PLXNC1: variants seen among roughly 807,000 people sequenced by gnomAD.
The protein encoded by PLXNC1 is plexin C1.
PLXNC1 carries 75 observed loss-of-function variants against 178.2 expected under a neutral mutation model. The observed-to-expected ratio is 0.42, with a 90% CI of 0.35 to 0.51. The LOEUF (loss-of-function observed/expected upper bound fraction) is 0.51, where lower values mean the gene tolerates loss of function less well. Among genes scored for constraint, PLXNC1 ranks in the 20% least tolerant of loss-of-function variants. PLXNC1 has a pLI of 0.02. For missense variants in PLXNC1, 1,503 were observed against 1,984.4 expected, an observed-to-expected ratio of 0.76 and a Z score of 4.61; for synonymous variants, 790 against 779.9, an observed-to-expected ratio of 1.01 and a Z score of -0.22.
chr12:94,256,987 G>C (rs1964864133), intron 17 of PLXNC1, among the ~76,000 whole-genome samples: 5 of 152,056 alleles, frequency 3.3e-5, no homozygotes, highest in Admixed American at 2.0e-4. Context: ...AAAAATTGAA[G>C]TCAGAAGTTG....
chr12:94,227,074 C>T, intron 8 of PLXNC1, 75 bp from the exon 9 acceptor site: 1 of 974,926 alleles, frequency 1.0e-6, no homozygotes, highest in Non-Finnish European at 1.7e-6. Flanking sequence ...CCTGGTCCTA[C>T]CTTCTCTTTT....
chr12:94,193,989 G>A (rs896838773), intron 4 of PLXNC1, among the ~76,000 whole-genome samples: 4 of 152,180 alleles, frequency 2.6e-5, no homozygotes, highest in African/African-American at 9.7e-5. Context: ...AAAGAAAAGA[G>A]GTTAGTTGGC....
At chr12:94,184,175 G>A (rs1962426815) in intron 3 of PLXNC1, among the ~76,000 whole-genome samples, 1 of 151,586 alleles carries the variant, frequency 6.6e-6, no homozygotes, top group African/African-American at 2.4e-5. Context: ...GGAGTGCAGT[G>A]GCGCAATCTC....
At chr12:94,159,063 A>G (rs1275728198) in intron 1 of PLXNC1, among the ~76,000 whole-genome samples, 1 of 152,266 alleles carries the variant, frequency 6.6e-6, no homozygotes, top group African/African-American at 2.4e-5. Context: ...GCACCTTATT[A>G]GAAGGACTAT....
intron 23 of PLXNC1, among the ~76,000 whole-genome samples, chr12:94,285,679 CAGG>C (rs1042830551): frequency 1.1e-4 from 16 of 152,248 alleles, no homozygotes; most frequent in Admixed American, 7.8e-4. Flanking sequence ...AGGTAATGGC[CAGG>C]AGGAGATCGG....
chr12:94,257,966 G>A, intron 17 of PLXNC1, among the ~76,000 whole-genome samples: 1 of 151,650 alleles, frequency 6.6e-6, no homozygotes, highest in East Asian at 1.9e-4. Context: ...GGAGGTTGCA[G>A]TGAGCCGAGA....
intron 1 of PLXNC1, among the ~76,000 whole-genome samples, chr12:94,153,001 G>A (rs951607070): frequency 1.3e-5 from 2 of 152,228 alleles, no homozygotes; most frequent in Non-Finnish European, 2.9e-5. Context: ...TCTCAAATGT[G>A]CTAAGGCAAC....
rs1326025337 is a variant in PLXNC1 at position 94,149,534 on chromosome 12, C to T, written c.563C>T (p.Pro188Leu). The T allele has an allele frequency of 1.3e-6, 2 of 1,541,426 alleles. No individual in the cohort carries two copies. Among genetic ancestry groups the T allele is most frequent in the Non-Finnish European group, 1.7e-6 (2 of 1,149,258 alleles). Reference sequence around the variant, plus strand: ...GCCGCCACCTACGTGCTGCCTGAGCCGGAGACGGCGAGCCGCTGCAACCCC... The same window carrying T: ...GCCGCCACCTACGTGCTGCCTGAGCTGGAGACGGCGAGCCGCTGCAACCCC... ...AVAATYVLPE[P>L]ETASRCNPAA... is the part of the protein sequence containing the mutation. The change falls in exon 1 of 31, where the codon CCG becomes CTG. Residue 188 changes from proline to leucine, a missense_variant. Pro to Leu is a moderately conservative substitution (Grantham distance 98). Around this residue, in one of 4 missense-constraint regions of PLXNC1, gnomAD observed 73 missense variants for 125.4 expected, o/e 0.58. Coordinates refer to ENST00000258526, the MANE Select transcript of PLXNC1 (RefSeq NM_005761.3).
At chr12:94,160,063 C>T (rs75677283) in intron 1 of PLXNC1, among the ~76,000 whole-genome samples, 1 of 152,086 alleles carries the variant, frequency 6.6e-6, no homozygotes, top group Non-Finnish European at 1.5e-5. Context: ...GGAAGAGTTG[C>T]TAAGTAGGGA....
At chr12:94,250,592 T>A (rs1222554570) in intron 14 of PLXNC1, among the ~76,000 whole-genome samples, 2 of 152,164 alleles carry the variant, frequency 1.3e-5, no homozygotes, top group African/African-American at 2.4e-5. Flanking sequence ...AGTGAAATAA[T>A]TAAGCTTCAT....
At chr12:94,245,683 G>A (rs1864771719) in intron 12 of PLXNC1, among the ~76,000 whole-genome samples, 1 of 152,148 alleles carries the variant, frequency 6.6e-6, no homozygotes, top group Admixed American at 6.5e-5. Context: ...AGTATGGAGT[G>A]GGGTGGGTGG....
intron 9 of PLXNC1, among the ~76,000 whole-genome samples, chr12:94,235,123 G>T (rs962166114): frequency 7.9e-5 from 12 of 152,122 alleles, no homozygotes; most frequent in Non-Finnish European, 1.6e-4. Flanking sequence ...TTTAAAAGCA[G>T]ACTGAAGCAC....
At chr12:94,216,374 C>T (rs757209601) in intron 5 of PLXNC1, among the ~76,000 whole-genome samples, 2 of 151,310 alleles carry the variant, frequency 1.3e-5, no homozygotes, top group Non-Finnish European at 2.9e-5. Context: ...AAAAGAAAAA[C>T]ATCAATACAC....
chr12:94,295,045 C>T (rs1320127574), intron 24 of PLXNC1, among the ~76,000 whole-genome samples: 1 of 152,220 alleles, frequency 6.6e-6, no homozygotes, highest in Non-Finnish European at 1.5e-5. Flanking sequence ...ATAGGCTGGT[C>T]TCTAAAGTGA....
At chr12:94,257,293 T>C (rs1413106314) in intron 17 of PLXNC1, among the ~76,000 whole-genome samples, 1 of 152,194 alleles carries the variant, frequency 6.6e-6, no homozygotes, top group Non-Finnish European at 1.5e-5. Context: ...CAGAGGAGAT[T>C]GTAGGTTCTC....
At position 94,265,049 on chromosome 12, in the gene PLXNC1, GCTAA is replaced by G. The variant is rs759757448; in HGVS notation, c.3451-27_3451-24del. On this transcript the variant is annotated intron_variant, in intron 20 of 30. Coordinates refer to ENST00000258526, the MANE Select transcript of PLXNC1 (RefSeq NM_005761.3). ...GAAAGTACAGTGGATTCCACAGAAA[GCTAA>G]CTGTCACTTTTGTGTCTTTTCCAAG... 28 of 1,610,824 alleles carry G rather than the reference GCTAA, an allele frequency of 1.7e-5. 1 individual carries two copies. Among genetic ancestry groups the G allele is most frequent in the South Asian group, 7.7e-5 (7 of 91,018 alleles).
At chr12:94,265,621 G>A (rs553021702) in intron 21 of PLXNC1, among the ~76,000 whole-genome samples, 44 of 152,280 alleles carry the variant, frequency 2.9e-4, no homozygotes, top group South Asian at 6.2e-4. Flanking sequence ...AATTGAGGCC[G>A]TCTTATTTTA....
intron 17 of PLXNC1, among the ~76,000 whole-genome samples, chr12:94,256,844 CAAAAAA>C (rs35718233): frequency 3.6e-5 from 4 of 110,992 alleles, no homozygotes; most frequent in Admixed American, 1.9e-4. Flanking sequence ...TGAGTGTTTC[CAAAAAA>C]AAAAAAAAAA....
chr12:94,253,186 G>A (rs1444715179), intron 15 of PLXNC1, among the ~76,000 whole-genome samples: 2 of 121,302 alleles, frequency 1.6e-5, no homozygotes, highest in Non-Finnish European at 3.2e-5. Flanking sequence ...ACTCCCGCCT[G>A]GCCACAGAAC....
Sources: allele counts gnomAD v4.1 joint callset (sites outside exome capture counted in the v4.1 genomes callset), GRCh38; gene constraint gnomAD v4.1.1; regional missense constraint gnomAD v4.1.1; transcripts MANE v1.5; gene names NCBI Gene and HGNC (gene_info 2026-07-23, HGNC 2026-07-21).